The following EFHC1 variants were observed in gnomAD, a reference collection of about 807,000 sequenced individuals.
EFHC1 encodes EF-hand domain containing 1.
A neutral mutation model predicts 69.9 loss-of-function variants in EFHC1; 53 were observed. That is an observed-to-expected ratio of 0.76 (90% CI 0.61 to 0.95). The LOEUF (loss-of-function observed/expected upper bound fraction) is 0.95. Among genes scored for constraint, EFHC1 ranks in the 40% least tolerant of loss-of-function variants. The pLI, the probability that EFHC1 is intolerant of heterozygous loss-of-function variation, is 0.00. For synonymous variants in EFHC1, 256 were observed against 278.4 expected (o/e 0.92, Z 0.80); for missense variants, 739 against 798.7 (o/e 0.93, Z 0.90).
chr6:52,482,924 T>C (rs1765710380), intron 9 of EFHC1: 1 of 398,360 alleles, frequency 2.5e-6, no homozygotes, highest in African/African-American at 2.1e-5. Context: ...TTTGCTGTAC[T>C]TTCATCCTTA....
Position 52,496,490 on chromosome 6 carries a change from ATAGG to A in EFHC1, c.*4153_*4156del, listed in dbSNP as rs1331959708. The A allele has an allele frequency of 9.2e-5, 14 of 152,344 alleles. No homozygotes were observed. Among genetic ancestry groups the A allele is most frequent in the African/African-American group, 3.1e-4 (13 of 41,586 alleles). The allele number at this position is 152,344 out of a possible 1,614,324, so 9.4% of individuals were successfully genotyped here. A position where few individuals can be genotyped will look rare whatever the true frequency, so the allele number is the denominator to read the frequency against. On this transcript the variant is annotated 3_prime_UTR_variant, in exon 11 of 11. Transcript: ENST00000371068. ...TAGGCTTTGAGGGTATTTGGGACACATAGGTAGAGAAGACGTCTCTAAATGTTGT... is the reference window on the plus strand; with the variant it reads ...TAGGCTTTGAGGGTATTTGGGACACATAGAGAAGACGTCTCTAAATGTTGT...
chr6:52,460,860 A>G (rs994837820), intron 5 of EFHC1, among the ~76,000 whole-genome samples: 4 of 152,234 alleles, frequency 2.6e-5, no homozygotes, highest in African/African-American at 4.8e-5. Flanking sequence ...CTTCAAGTGG[A>G]AAGAAAATGA....
intron 1 of EFHC1, chr6:52,423,745 A>G: frequency 8.1e-7 from 1 of 1,233,030 alleles, no homozygotes; most frequent in Non-Finnish European, 1.1e-6. Context: ...GGCTGAAGTG[A>G]TTCTCCCTCT....
chr6:52,439,249 A>T (rs886792176), intron 3 of EFHC1, among the ~76,000 whole-genome samples: 3 of 152,130 alleles, frequency 2.0e-5, no homozygotes, highest in Non-Finnish European at 4.4e-5. Flanking sequence ...AATTTGTCTT[A>T]GTTAAAAAAA....
At chr6:52,424,214 C>T (rs1764256352) in intron 2 of EFHC1, 47 bp downstream of exon 2, 1 of 1,563,720 alleles carries the variant, frequency 6.4e-7, no homozygotes, top group Non-Finnish European at 8.8e-7. Flanking sequence ...GGTCTGAGAG[C>T]CAACTGCTTG....
rs976445182 is a variant in EFHC1, at chr6:52,469,341, T to G, written c.1146T>G (p.Pro382=). Residue 382 remains proline, a synonymous_variant, in exon 7 of 11, where the codon CCT becomes CCG. Transcript: ENST00000371068. ...REPPPVKQEL[P]PYNGFGLVED... ...TTCCTATGTATCTCCAGGAGTTGCC[T>G]CCTTATAACGGTTTTGGACTAGTGG... 2 of 1,614,048 alleles carry G rather than the reference T, an allele frequency of 1.2e-6. No homozygotes were observed. The highest frequency in any genetic ancestry group is 1.7e-6 in the Non-Finnish European group (2 of 1,179,940).
In EFHC1 at chr6:52,494,563, C is replaced by T. The variant is rs749996425; in HGVS notation, c.*2222C>T. The T allele has an allele frequency of 9.5e-5, 43 of 454,020 alleles. 1 individual carries two copies. Among genetic ancestry groups the T allele is most frequent in the South Asian group, 6.7e-4 (43 of 64,480 alleles). The allele number at this position is 454,020 out of a possible 1,614,324, so 28.1% of individuals were successfully genotyped here. A position where few individuals can be genotyped will look rare whatever the true frequency, so the allele number is the denominator to read the frequency against. On this transcript the variant is annotated 3_prime_UTR_variant, in exon 11 of 11. Coordinates refer to ENST00000371068, the MANE Select transcript of EFHC1 (RefSeq NM_018100.4). ...TGAGTGACATGTGCCGAAAGGCTGA[C>T]TCTTTCTCCCAGAGCACCTTTTCTC...
chr6:52,424,146 G>T lies in EFHC1; in HGVS notation c.264G>T (p.Ala88=), dbSNP rs1455166533. 4.3e-6 allele frequency: 7 copies of T among 1,613,836 alleles called. No homozygotes were observed. The highest frequency in any genetic ancestry group is 4.0e-5 in the African/African-American group (3 of 74,902). The change falls in exon 2 of 11, where the codon GCG becomes GCT. Residue 88 remains alanine, a synonymous_variant. Coordinates refer to ENST00000371068, the MANE Select transcript of EFHC1 (RefSeq NM_018100.4). ...CCCCACCTGCGGATTTTATTCCTGC[G>T]CATGTGGCCTTTGACAAAAAGGTAT... ...KQAPPADFIP[A]HVAFDKKVLK...
At chr6:52,438,216 G>T (rs1764576007) in intron 2 of EFHC1, 88 bp from the exon 3 acceptor site, 2 of 1,286,202 alleles carry the variant, frequency 1.6e-6, no homozygotes, top group Non-Finnish European at 1.1e-6. Flanking sequence ...TCCCTGTGTG[G>T]TTCTGTTTTC....
In EFHC1 at chr6:52,492,599, C is replaced by T. The variant is rs1291741285; in HGVS notation, c.*258C>T. 1.8e-5 allele frequency: 11 copies of T among 607,256 alleles called. No homozygotes were observed. Among genetic ancestry groups the T allele is most frequent in the Non-Finnish European group, 3.1e-5 (10 of 327,472 alleles). 37.6% of individuals were successfully genotyped at this position (607,256 alleles called of 1,614,324 possible). A position where few individuals can be genotyped will look rare whatever the true frequency, so the allele number is the denominator to read the frequency against. On this transcript the variant is annotated 3_prime_UTR_variant, in exon 11 of 11. Coordinates refer to ENST00000371068, the MANE Select transcript of EFHC1 (RefSeq NM_018100.4). ...TTGGCCACAGGGGGCCCAAATATTT[C>T]CTTTCTTTCTTTTTAAAAAAATAAA... is the stretch of plus-strand genomic sequence containing the variant.
chr6:52,454,584 A>C (rs1764998493), intron 5 of EFHC1, among the ~76,000 whole-genome samples: 1 of 152,196 alleles, frequency 6.6e-6, no homozygotes, highest in South Asian at 2.1e-4. Flanking sequence ...TTAGATTTTT[A>C]ATGCATTTTT....
intron 3 of EFHC1, among the ~76,000 whole-genome samples, chr6:52,447,394 C>A (rs1764810794): frequency 6.6e-6 from 1 of 152,214 alleles, no homozygotes; most frequent in Non-Finnish European, 1.5e-5. Flanking sequence ...AGTTCTCATG[C>A]CATGGTTTTC....
chr6:52,465,029 A>G lies in EFHC1; in HGVS notation c.1051A>G (p.Thr351Ala). The part of the protein sequence containing the change: ...TFFIYDCDPF[T>A]RRYYKEKFGI... ...CTTCATTTATGATTGTGATCCATTT[A>G]CTCGACGGTATTACAAAGAGAAGTT... The change falls in exon 6 of 11, where the codon ACT becomes GCT. Residue 351 changes from threonine (T) to alanine (A), a missense_variant. By Grantham distance (58) the Thr-to-Ala change is moderately conservative (BLOSUM62 0). Transcript: ENST00000371068. 1.2e-6 allele frequency: 2 copies of G among 1,614,126 alleles called. No homozygotes were observed. The highest frequency in any genetic ancestry group is 1.7e-6 in the Non-Finnish European group (2 of 1,180,022).
In EFHC1 at chr6:52,454,158, A is replaced by G. The variant is rs775577623; in HGVS notation, c.787A>G (p.Ile263Val). Reference sequence around the variant, plus strand: ...CATGTATGGTGAATGTCGGACCTACATCATTCATTACTATCTTATGGATGA... The same window carrying G: ...CATGTATGGTGAATGTCGGACCTACGTCATTCATTACTATCTTATGGATGA... ...DSMYGECRTYIIHYYLMDDTV... is the reference protein window; with the variant it reads ...DSMYGECRTYVIHYYLMDDTV... The change falls in exon 5 of 11, where the codon ATC becomes GTC. Residue 263 changes from isoleucine to valine, a missense_variant. Coordinates refer to ENST00000371068, the MANE Select transcript of EFHC1 (RefSeq NM_018100.4). The G allele has an allele frequency of 6.8e-6, 11 of 1,614,032 alleles. No individual in the cohort carries two copies. Among genetic ancestry groups the G allele is most frequent in the Non-Finnish European group, 6.8e-6 (8 of 1,180,028 alleles).
chr6:52,468,200 G>A (rs149118467), intron 6 of EFHC1, among the ~76,000 whole-genome samples: 2 of 152,270 alleles, frequency 1.3e-5, no homozygotes, highest in Non-Finnish European at 2.9e-5. Context: ...GAAGGTTATG[G>A]TACTCTGGGG....
chr6:52,424,106 G>T lies in EFHC1; in HGVS notation c.224G>T (p.Gly75Val). ...LASKAPVLTY[G>V]QPKQAPPADF... ...AGTAAGGCACCAGTCTTAACTTATG[G>T]CCAACCTAAACAAGCCCCACCTGCG... Residue 75 changes from glycine to valine, a missense_variant, in exon 2 of 11, where the codon GGC (glycine) becomes GTC (valine). By Grantham distance (109) the Gly-to-Val change is moderately radical (BLOSUM62 -3). Coordinates refer to ENST00000371068, the MANE Select transcript of EFHC1 (RefSeq NM_018100.4). The T allele has an allele frequency of 6.2e-7, 1 of 1,614,158 alleles. No individual in the cohort carries two copies. Among genetic ancestry groups the T allele is most frequent in the Non-Finnish European group, 8.5e-7 (1 of 1,180,026 alleles).
intron 9 of EFHC1, chr6:52,481,504 ATCTCTC>A (rs60540358): frequency 0.1 from 15,051 of 143,454 alleles, 1,025 homozygotes; most frequent in African/African-American, 0.19. Context: ...AGACTGCATG[ATCTCTC>A]TCTCTCTCTC....
At chr6:52,437,073 T>C (rs1764550731) in intron 2 of EFHC1, among the ~76,000 whole-genome samples, 1 of 152,226 alleles carries the variant, frequency 6.6e-6, no homozygotes, top group Non-Finnish European at 1.5e-5. Context: ...GGAGGGTATT[T>C]ACACACGTTT....
chr6:52,466,426 T>C (rs910338569), intron 6 of EFHC1, among the ~76,000 whole-genome samples: 1 of 152,226 alleles, frequency 6.6e-6, no homozygotes, highest in African/African-American at 2.4e-5. Flanking sequence ...CTCTTTTTTA[T>C]CCTCCAATAC....
Sources: allele counts gnomAD v4.1 joint callset (sites outside exome capture counted in the v4.1 genomes callset), GRCh38; gene constraint gnomAD v4.1.1; transcripts MANE v1.5; gene names NCBI Gene and HGNC (gene_info 2026-07-23, HGNC 2026-07-21).